PARD3: variants seen among roughly 807,000 people sequenced by gnomAD.
PARD3 encodes the protein partitioning defective 3 homolog.
A neutral mutation model predicts 155.4 loss-of-function variants in PARD3; 75 were observed. That is an observed-to-expected ratio of 0.48 (90% CI 0.40 to 0.58). The LOEUF is 0.58. Among genes scored for constraint, PARD3 ranks in the 20% least tolerant of loss-of-function variants. PARD3 has a pLI of 0.00. For synonymous variants in PARD3, 576 were observed against 610.5 expected (o/e 0.94, Z 0.83); for missense variants, 1,642 against 1,721.7 (o/e 0.95, Z 0.82).
chr10:34,312,039 T>A (rs1002781528), intron 20 of PARD3, among the ~76,000 whole-genome samples: 1 of 152,186 alleles, frequency 6.6e-6, no homozygotes, highest in Non-Finnish European at 1.5e-5. Flanking sequence ...TGTGTGCTGA[T>A]GATTTCTGAA....
intron 22 of PARD3, among the ~76,000 whole-genome samples, chr10:34,183,144 C>T (rs1471757603): frequency 1.3e-5 from 2 of 152,208 alleles, no homozygotes; most frequent in African/African-American, 4.8e-5. Flanking sequence ...AAAGCAGTGA[C>T]TGAGTGAATA....
intron 22 of PARD3, among the ~76,000 whole-genome samples, chr10:34,187,776 T>C (rs1046555060): frequency 1.6e-4 from 25 of 152,242 alleles, no homozygotes. Flanking sequence ...TTCTTTTTCC[T>C]GGGCAATGTT....
chr10:34,438,976 C>A (rs1169128033), intron 5 of PARD3, among the ~76,000 whole-genome samples: 1 of 152,038 alleles, frequency 6.6e-6, no homozygotes, highest in East Asian at 1.9e-4. Context: ...TTGGTTGAGT[C>A]TATCTGCTGA....
chr10:34,709,677 G>A (rs2094422278), intron 1 of PARD3, among the ~76,000 whole-genome samples: 1 of 152,088 alleles, frequency 6.6e-6, no homozygotes, highest in African/African-American at 2.4e-5. Context: ...GAGGACTCAG[G>A]GGCAGGAGCT....
chr10:34,356,991 G>GCAGCTGTTT (rs1838951664), intron 14 of PARD3, among the ~76,000 whole-genome samples: 1 of 152,182 alleles, frequency 6.6e-6, no homozygotes, highest in African/African-American at 2.4e-5. Flanking sequence ...ACTGTCTACT[G>GCAGCTGTTT]CAGCTGTTTC....
chr10:34,268,198 C>T (rs1328360204), intron 22 of PARD3, among the ~76,000 whole-genome samples: 1 of 152,156 alleles, frequency 6.6e-6, no homozygotes, highest in African/African-American at 2.4e-5. Flanking sequence ...CATTAAAACA[C>T]AAATGACATG....
intron 22 of PARD3, among the ~76,000 whole-genome samples, chr10:34,264,806 G>C (rs748692448): frequency 2.8e-4 from 43 of 151,186 alleles, no homozygotes; most frequent in Non-Finnish European, 5.4e-4. Context: ...CTGGAGTGCA[G>C]TGGTGCAATC....
chr10:34,553,402 A>G (rs2084746574), intron 2 of PARD3, among the ~76,000 whole-genome samples: 2 of 152,246 alleles, frequency 1.3e-5, no homozygotes, highest in Admixed American at 6.5e-5. Flanking sequence ...AAGGCCTTTG[A>G]AAGTCTTTTA....
chr10:34,120,004 A>ATTTTTTTTTTTTTTTTTTTTTT (rs1185067110), intron 23 of PARD3, among the ~76,000 whole-genome samples: 3 of 73,794 alleles, frequency 4.1e-5, no homozygotes, highest in African/African-American at 1.8e-4. Flanking sequence ...GTCTTCTTTA[A>ATTTTTTTTTTTTTTTTTTTTTT]TTTTTTTTTT....
chr10:34,769,658 T>G (rs1838583278), intron 1 of PARD3, among the ~76,000 whole-genome samples: 1 of 151,712 alleles, frequency 6.6e-6, no homozygotes, highest in South Asian at 2.1e-4. Context: ...CTCAGGAGGC[T>G]GAAGTGGGAG....
chr10:34,139,510 A>T (rs1192280743), intron 22 of PARD3, among the ~76,000 whole-genome samples: 1 of 152,184 alleles, frequency 6.6e-6, no homozygotes, highest in Non-Finnish European at 1.5e-5. Context: ...CTGGGAAAAA[A>T]ATAATCTGGG....
At chr10:34,773,192 C>T (rs555744257) in intron 1 of PARD3, among the ~76,000 whole-genome samples, 5 of 152,274 alleles carry the variant, frequency 3.3e-5, no homozygotes, top group East Asian at 3.9e-4. Context: ...CATCTATAAA[C>T]GCTTGCCCCA....
At chr10:34,143,386 A>G (rs1948298598) in intron 22 of PARD3, among the ~76,000 whole-genome samples, 2 of 152,224 alleles carry the variant, frequency 1.3e-5, no homozygotes, top group Non-Finnish European at 2.9e-5. Context: ...ATGGGTTTTG[A>G]TGACACAATA....
At chr10:34,625,769 G>A (rs940144028) in intron 2 of PARD3, among the ~76,000 whole-genome samples, 4 of 152,156 alleles carry the variant, frequency 2.6e-5, no homozygotes, top group Non-Finnish European at 5.9e-5. Flanking sequence ...AAATTAGCCA[G>A]GCGTGATGGC....
chr10:34,711,904 C>T (rs1287922059), intron 1 of PARD3, among the ~76,000 whole-genome samples: 1 of 152,156 alleles, frequency 6.6e-6, no homozygotes, highest in African/African-American at 2.4e-5. Flanking sequence ...TTCTAGTTTA[C>T]ATTCCAGGAA....
At chr10:34,243,195 C>G (rs573972691) in intron 22 of PARD3, among the ~76,000 whole-genome samples, 5 of 152,214 alleles carry the variant, frequency 3.3e-5, no homozygotes, top group African/African-American at 1.2e-4. Flanking sequence ...AATACTACTG[C>G]CAATTAATGT....
At chr10:34,368,549 G>A (rs1200159031) in intron 12 of PARD3, among the ~76,000 whole-genome samples, 1 of 152,142 alleles carries the variant, frequency 6.6e-6, no homozygotes, top group Non-Finnish European at 1.5e-5. Flanking sequence ...GCGGGCACCT[G>A]TAGTCCCAGC....
intron 1 of PARD3, among the ~76,000 whole-genome samples, chr10:34,709,004 ATACACACGTACACATATATGTACATG>A (rs1488175046): frequency 1.3e-5 from 2 of 152,166 alleles, no homozygotes; most frequent in African/African-American, 2.4e-5. Context: ...GTGCAAAAAA[ATACACACGTACACATATATGTACATG>A]TGCACATGTA....
intron 1 of PARD3, among the ~76,000 whole-genome samples, chr10:34,761,397 C>T (rs968652845): frequency 1.3e-5 from 2 of 151,936 alleles, no homozygotes; most frequent in African/African-American, 2.4e-5. Context: ...GGTAACACAG[C>T]GAGACTCTGT....
Sources: gnomAD v4.1 joint callset for allele counts (sites outside exome capture counted in the v4.1 genomes callset) on GRCh38, gnomAD v4.1.1 for gene constraint, MANE v1.5 for transcripts, NCBI Gene and HGNC (gene_info 2026-07-23, HGNC 2026-07-21) for gene names.